The following NPHP4 variants were observed in gnomAD, a reference collection of about 807,000 sequenced individuals.
NPHP4 encodes the protein nephrocystin-4.
A neutral mutation model predicts 155.8 loss-of-function variants in NPHP4; 151 were observed. The ratio of observed to expected loss-of-function variants is 0.97; its 90% CI spans 0.85 to 1.11. The LOEUF (loss-of-function observed/expected upper bound fraction) is 1.11. NPHP4 is among the 50% of genes least tolerant of loss of function. The probability of loss-of-function intolerance (pLI) is 0.00; values close to 1 mark genes in which losing one functional copy is unlikely to be tolerated. For missense variants in NPHP4, 1,956 were observed against 1,925.7 expected (o/e 1.02, Z -0.29); for synonymous variants, 845 against 816.8 (o/e 1.03, Z -0.59).
chr1:5,953,193 G>A (rs188850844), intron 6 of NPHP4, among the ~76,000 whole-genome samples: 5 of 152,212 alleles, frequency 3.3e-5, no homozygotes, highest in East Asian at 3.9e-4. Context: ...TGCAACCTCC[G>A]CCTCCAGGTT....
At position 5,941,674 on chromosome 1, in the gene NPHP4, C is replaced by T. The variant is rs1023265678; in HGVS notation, c.1119+5430G>A. 8.5e-4 allele frequency among the ~76,000 whole-genome samples: 130 copies of T among 152,182 alleles called. 3 individuals are homozygous for T. The highest frequency in any genetic ancestry group is 1.3e-4 in the Non-Finnish European group (9 of 68,050). On this transcript the variant is annotated intron_variant, in intron 9 of 29. Transcript: ENST00000378156. ...TCTGAAGCCAGAAAGTACTCAAACA[C>T]AAAACAGGACGAAGGATGCCATAGG...
chr1:5,940,332 A>G (rs968995321), intron 9 of NPHP4, among the ~76,000 whole-genome samples: 1 of 152,128 alleles, frequency 6.6e-6, no homozygotes, highest in Non-Finnish European at 1.5e-5. Flanking sequence ...AGGCCCTCAC[A>G]AGATGCTGGC....
At chr1:5,901,149 C>T (rs1644661028) in intron 16 of NPHP4, among the ~76,000 whole-genome samples, 2 of 152,138 alleles carry the variant, frequency 1.3e-5, no homozygotes, top group African/African-American at 4.8e-5. Context: ...GTACCAGCTA[C>T]TCAATTTTTC....
rs1381037734 is a variant in NPHP4 at position 5,882,925 on chromosome 1, A to G, written c.2486-2686T>C. 1 of 152,240 alleles carries G rather than the reference A, an allele frequency of 6.6e-6. No homozygotes were observed. Among genetic ancestry groups the G allele is most frequent in the Non-Finnish European group, 1.5e-5 (1 of 68,070 alleles). The allele number at this position is 152,240 out of a possible 1,614,324, so 9.4% of individuals were successfully genotyped here. On this transcript the variant is annotated intron_variant, in intron 18 of 29. Transcript: ENST00000378156. The surrounding 1 kb of genome is among the most constrained non-coding windows in gnomAD (Gnocchi z 5.1). Reference sequence around the variant, plus strand: ...TCACAGGATCAAGATCCTCGTCCCTAAGAAAGGAACCCAGATCAGCGCTCC... The same window carrying G: ...TCACAGGATCAAGATCCTCGTCCCTGAGAAAGGAACCCAGATCAGCGCTCC...
At chr1:5,875,989 G>A (rs1642559161) in intron 20 of NPHP4, 1 of 152,324 alleles carries the variant, frequency 6.6e-6, no homozygotes, top group African/African-American at 2.4e-5. Flanking sequence ...TTCCTTTGCA[G>A]GGGGATTGGA....
chr1:5,865,868 T>C (rs1641169380), intron 26 of NPHP4: 1 of 186,908 alleles, frequency 5.4e-6, no homozygotes, highest in Admixed American at 5.4e-5. Flanking sequence ...TCAGAAGCAC[T>C]GCAGGAAATC....
chr1:5,914,286 A>AAAAAAAAAAAAAAAAG (rs70977991), intron 11 of NPHP4, among the ~76,000 whole-genome samples: 40 of 139,914 alleles, frequency 2.9e-4, no homozygotes, highest in African/African-American at 1.1e-3. Flanking sequence ...AAAAAAAAAA[A>AAAAAAAAAAAAAAAAG]GGCCTGGTGT....
At chr1:5,950,110 C>T (rs1379630023) in intron 7 of NPHP4, among the ~76,000 whole-genome samples, 2 of 152,284 alleles carry the variant, frequency 1.3e-5, no homozygotes, top group Non-Finnish European at 1.5e-5. Flanking sequence ...TCCAATTACA[C>T]TTCATCTTAC....
Position 5,874,986 on chromosome 1 carries a change from C to A in NPHP4, c.2932G>T (p.Glu978Ter). 6.2e-7 allele frequency: 1 copy of A among 1,612,726 alleles called. No individual in the cohort carries two copies. The highest frequency in any genetic ancestry group is 8.5e-7 in the Non-Finnish European group (1 of 1,179,872). Residue 978 changes from glutamate to a stop codon, truncating the protein, a stop_gained, in exon 21 of 30, where the codon GAG (glutamate) becomes TAG (stop). Coordinates refer to ENST00000378156, the MANE Select transcript of NPHP4 (RefSeq NM_015102.5). LOFTEE classifies it high-confidence loss of function. The stretch of plus-strand genomic sequence containing the variant: ...CCCAGCGTGGCGTGGAGCGTGTGCT[C>A]CGTGGTGATGGCCAGGCTCAGCAGG... Reference protein sequence around the residue: ...ASLLSLAITTEHTLHATLGVA... With the variant: ...ASLLSLAITT
chr1:5,952,762 G>C lies in NPHP4; in HGVS notation c.748C>G (p.Pro250Ala), dbSNP rs1241159444. ...TCTTCCTCAAACTTCTCCAGGGAGG[G>C]GTACAGGGTGAAGAATAAGTCATCC... Reference protein sequence around the residue: ...HLDDLFFTLYPSLEKFEEELL... With the variant: ...HLDDLFFTLYASLEKFEEELL... The change falls in exon 7 of 30, where the codon CCC (proline) becomes GCC (alanine). Residue 250 changes from proline to alanine, a missense_variant. Pro to Ala is a conservative substitution (Grantham distance 27). Coordinates refer to ENST00000378156, the MANE Select transcript of NPHP4 (RefSeq NM_015102.5). The C allele has an allele frequency of 6.3e-7, 1 of 1,578,648 alleles. No homozygotes were observed. The highest frequency in any genetic ancestry group is 8.6e-7 in the Non-Finnish European group (1 of 1,161,982).
chr1:5,913,968 C>T (rs1234392651), intron 11 of NPHP4, among the ~76,000 whole-genome samples: 2 of 152,096 alleles, frequency 1.3e-5, no homozygotes, highest in African/African-American at 4.8e-5. Context: ...CCATGGCCGC[C>T]AGGCACGCAG....
At chr1:5,874,741 T>C (rs1642389880) in intron 21 of NPHP4, 84 bp from the exon 22 acceptor site, 3 of 1,525,128 alleles carry the variant, frequency 2.0e-6, no homozygotes, top group South Asian at 2.3e-5. Flanking sequence ...CCGAGAGCGG[T>C]GCTCAGAGGA....
At chr1:5,907,053 A>G in intron 13 of NPHP4, 62 bp downstream of exon 13, 1 of 1,022,352 alleles carries the variant, frequency 9.8e-7, no homozygotes, top group Non-Finnish European at 1.4e-6. Flanking sequence ...CAAAAACCCA[A>G]AATGAGGAGC....
In NPHP4 at chr1:5,863,914, C is replaced by T; in HGVS notation, c.4116G>A (p.Leu1372=). 1 of 1,613,960 alleles carries T rather than the reference C, an allele frequency of 6.2e-7. No homozygotes were observed. The highest frequency in any genetic ancestry group is 8.5e-7 in the Non-Finnish European group (1 of 1,179,880). The part of the protein sequence containing the change: ...FHLHSDHPEL[L]RFREDSFQVG... ...CCTGGAAGGAGTCCTCTCTGAACCGCAGCAGCTCCGGGTGGTCGCTGTGCA... is the reference window on the plus strand; with the variant it reads ...CCTGGAAGGAGTCCTCTCTGAACCGTAGCAGCTCCGGGTGGTCGCTGTGCA... The change falls in exon 29 of 30, where the codon CTG becomes CTA. Residue 1372 remains leucine, a synonymous_variant. Coordinates refer to ENST00000378156, the MANE Select transcript of NPHP4 (RefSeq NM_015102.5).
chr1:5,917,997 A>C (rs1449777634), intron 11 of NPHP4, among the ~76,000 whole-genome samples: 1 of 152,254 alleles, frequency 6.6e-6, no homozygotes. Context: ...CACCAACTGC[A>C]ATGCGCACGC....
intron 7 of NPHP4, 40 bp downstream of exon 7, chr1:5,952,660 T>G: frequency 5.4e-6 from 4 of 740,660 alleles, no homozygotes; most frequent in Non-Finnish European, 8.2e-6. Context: ...CACCCCTGCC[T>G]GGCCCCACCC....
chr1:5,867,656 A>G lies in NPHP4; in HGVS notation c.3472+84T>C, dbSNP rs144578437. The G allele has an allele frequency of 9.1e-4, 1,296 of 1,417,100 alleles. 12 individuals carry two copies. In the African/African-American group the frequency reaches 0.011, roughly 12 times the overall value. 87.8% of individuals were successfully genotyped at this position (1,417,100 alleles called of 1,614,324 possible). On this transcript the variant is annotated intron_variant, in intron 24 of 29. Coordinates refer to ENST00000378156, the MANE Select transcript of NPHP4 (RefSeq NM_015102.5). This position sits in a 1 kb window ranked among gnomAD's most constrained non-coding sequence, Gnocchi z 4.1. ...GACAGCACCAGGGCATGAAGCCATGAGGCCATCTGTCACCCTCAAGAGGTA... is the reference window on the plus strand; with the variant it reads ...GACAGCACCAGGGCATGAAGCCATGGGGCCATCTGTCACCCTCAAGAGGTA...
rs567382723 is a variant in NPHP4 at position 5,952,689 on chromosome 1, T to C, written c.810+11A>G. ...CCCACCCTGCCCCCCATCACGCTTCTGACTCCACACCTCCTGGAAGTGGTC... is the reference window on the plus strand; with the variant it reads ...CCCACCCTGCCCCCCATCACGCTTCCGACTCCACACCTCCTGGAAGTGGTC... On this transcript the variant is annotated intron_variant, in intron 7 of 29. Coordinates refer to ENST00000378156, the MANE Select transcript of NPHP4 (RefSeq NM_015102.5). 1.6e-5 allele frequency: 24 copies of C among 1,512,940 alleles called. No individual in the cohort carries two copies. In the Admixed American group the frequency reaches 4.8e-4, roughly 30 times the overall value. The allele number at this position is 1,512,940 out of a possible 1,614,324, so 93.7% of individuals were successfully genotyped here.
rs1187766539 is a variant in NPHP4, at chr1:5,959,922, C to T, written c.673+1872G>A. On this transcript the variant is annotated intron_variant, in intron 6 of 29. Transcript: ENST00000378156. ...AGCAGCACACAGCTAGTTCCAAGAT[C>T]AATATCAACCAGGCGGCAACTCACA... 3.9e-5 allele frequency among the ~76,000 whole-genome samples: 6 copies of T among 152,248 alleles called. No individual in the cohort carries two copies. The East Asian group carries it at 1.2e-3, about 29-fold the overall frequency.
Sources: gnomAD v4.1 joint callset for allele counts (sites outside exome capture counted in the v4.1 genomes callset) on GRCh38, gnomAD v4.1.1 for gene constraint, Gnocchi (gnomAD v3.1) non-coding constraint, MANE v1.5 for transcripts, NCBI Gene and HGNC (gene_info 2026-07-23, HGNC 2026-07-21) for gene names.